TNIP3: variants seen among roughly 807,000 people sequenced by gnomAD.
TNIP3 encodes TNFAIP3 interacting protein 3, also known as TNFAIP3-interacting protein 3.
In TNIP3, 34 loss-of-function variants were observed where a neutral mutation model predicts 54.1. The observed-to-expected ratio is 0.63, with a 90% CI of 0.48 to 0.84. The LOEUF (loss-of-function observed/expected upper bound fraction) is 0.84, where lower values mean the gene tolerates loss of function less well. TNIP3 is among the 40% of genes least tolerant of loss of function. The probability of loss-of-function intolerance (pLI) is 0.00; values close to 1 mark genes in which losing one functional copy is unlikely to be tolerated. For synonymous variants in TNIP3, 134 were observed against 136.8 expected (o/e 0.98, Z 0.14); for missense variants, 366 against 387.6 (o/e 0.94, Z 0.47).
At chr4:121,188,898 T>A (rs1427766956) in intron 2 of TNIP3, among the ~76,000 whole-genome samples, 2 of 152,214 alleles carry the variant, frequency 1.3e-5, no homozygotes, top group African/African-American at 4.8e-5. Flanking sequence ...TGGATATCAG[T>A]ACTTTAAGAC....
chr4:121,133,990 C>A (rs147791779), intron 10 of TNIP3, among the ~76,000 whole-genome samples: 138 of 152,032 alleles, frequency 9.1e-4, no homozygotes, highest in African/African-American at 3.2e-3. Context: ...TATCTAACCT[C>A]CAGAGCTATG....
In TNIP3 at chr4:121,150,092, C is replaced by A. The variant is rs1729654279; in HGVS notation, c.609+11G>T. On this transcript the variant is annotated intron_variant, in intron 6 of 10. Transcript: ENST00000057513. ...GTTCTCCACAGGATCATGCCACTTC[C>A]AGCTTCTCACCTGCTGCTTCAGAAC... The A allele has an allele frequency of 1.3e-6, 2 of 1,588,072 alleles. No individual in the cohort carries two copies. The highest frequency in any genetic ancestry group is 1.7e-5 in the Admixed American group (1 of 59,682).
chr4:121,139,589 A>G (rs998658624), intron 9 of TNIP3, among the ~76,000 whole-genome samples: 19 of 152,216 alleles, frequency 1.2e-4, no homozygotes, highest in African/African-American at 3.4e-4. Context: ...TTTTTCTAAC[A>G]TGAGCCAACA....
At position 121,148,283 on chromosome 4, in the gene TNIP3, C is replaced by A. The variant is rs568530098; in HGVS notation, c.610-1109G>T. ...ATGATTGCGGGTGCCTGATTAGAAACGTGCACAGTTAAAATATTTATGGAG... is the reference window on the plus strand; with the variant it reads ...ATGATTGCGGGTGCCTGATTAGAAAAGTGCACAGTTAAAATATTTATGGAG... On this transcript the variant is annotated intron_variant, in intron 6 of 10. Coordinates refer to ENST00000057513, the MANE Select transcript of TNIP3 (RefSeq NM_024873.6). Among the ~76,000 whole-genome samples, 4 of 152,144 alleles carry A rather than the reference C, an allele frequency of 2.6e-5. No homozygotes were observed. In the East Asian group the frequency reaches 7.7e-4, roughly 29 times the overall value.
At chr4:121,206,896 T>C (rs1726221348) in intron 2 of TNIP3, among the ~76,000 whole-genome samples, 1 of 152,150 alleles carries the variant, frequency 6.6e-6, no homozygotes, top group Non-Finnish European at 1.5e-5. Context: ...ACTAAGCTCC[T>C]GAGGGTACAG....
chr4:121,216,977 A>G (rs1178335814), upstream of TNIP3, among the ~76,000 whole-genome samples: 1 of 152,156 alleles, frequency 6.6e-6, no homozygotes, highest in Non-Finnish European at 1.5e-5. Context: ...GATTATTTCT[A>G]TGATTTTCAG....
chr4:121,169,523 C>A (rs1407540964), intron 3 of TNIP3, among the ~76,000 whole-genome samples: 1 of 152,100 alleles, frequency 6.6e-6, no homozygotes, highest in Non-Finnish European at 1.5e-5. Flanking sequence ...ATGATAGCAA[C>A]TTTTGTGTGT....
chr4:121,145,424 T>C (rs1454333110), intron 7 of TNIP3, among the ~76,000 whole-genome samples: 1 of 152,016 alleles, frequency 6.6e-6, no homozygotes, highest in Non-Finnish European at 1.5e-5. Flanking sequence ...ATTTAGAAAA[T>C]ACATTTATTT....
intron 4 of TNIP3, 133 bp from the exon 5 acceptor site, chr4:121,154,812 C>T: frequency 2.7e-6 from 2 of 740,422 alleles, no homozygotes; most frequent in Non-Finnish European, 4.2e-6. Flanking sequence ...AAAAACAGGA[C>T]CTGCAAGACT....
At chr4:121,166,339 G>A (rs558146447), upstream of TNIP3, among the ~76,000 whole-genome samples, 1 of 152,342 alleles carries the variant, frequency 6.6e-6, no homozygotes, top group South Asian at 2.1e-4. Flanking sequence ...TCAGAAAAAT[G>A]AGACTTTCAA....
At chr4:121,195,218 C>A (rs1022292002) in intron 2 of TNIP3, among the ~76,000 whole-genome samples, 1 of 151,920 alleles carries the variant, frequency 6.6e-6, no homozygotes, top group Admixed American at 6.6e-5. Flanking sequence ...TTTTTAAAAA[C>A]GTCTTTGAGT....
At chr4:121,149,104 G>T (rs534441128) in intron 6 of TNIP3, among the ~76,000 whole-genome samples, 79 of 152,188 alleles carry the variant, frequency 5.2e-4, no homozygotes, top group Non-Finnish European at 9.7e-4. Context: ...GTGAATTTCA[G>T]CAGATTGATT....
intron 6 of TNIP3, among the ~76,000 whole-genome samples, chr4:121,149,697 C>T (rs1344181476): frequency 2.6e-5 from 4 of 152,262 alleles, no homozygotes; most frequent in South Asian, 2.1e-4. Context: ...ACTTGGGAGG[C>T]GGAAGTTGCG....
Position 121,132,005 on chromosome 4 carries a change from T to C in TNIP3, c.*626A>G, listed in dbSNP as rs1020188698. 1 of 152,172 alleles carries C rather than the reference T, an allele frequency of 6.6e-6. No homozygotes were observed. Among genetic ancestry groups the C allele is most frequent in the Non-Finnish European group, 1.5e-5 (1 of 68,054 alleles). 9.4% of individuals were successfully genotyped at this position (152,172 alleles called of 1,614,324 possible). A position where few individuals can be genotyped will look rare whatever the true frequency, so the allele number is the denominator to read the frequency against. On this transcript the variant is annotated 3_prime_UTR_variant, in exon 11 of 11. Coordinates refer to ENST00000057513, the MANE Select transcript of TNIP3 (RefSeq NM_024873.6). Reference sequence around the variant, plus strand: ...ATTTCTCATCATCTTAAAGAAATGATCTGTCTAAGGAATAGCTTCCAATTA... The same window carrying C: ...ATTTCTCATCATCTTAAAGAAATGACCTGTCTAAGGAATAGCTTCCAATTA...
chr4:121,225,351 A>G (rs906358652), intron 1 of TNIP3, among the ~76,000 whole-genome samples: 2 of 152,322 alleles, frequency 1.3e-5, no homozygotes, highest in African/African-American at 4.8e-5. Flanking sequence ...GGAGATATTT[A>G]ATCTTGGTCA....
intron 5 of TNIP3, 60 bp from the exon 6 acceptor site, chr4:121,150,279 T>G: frequency 2.8e-6 from 3 of 1,061,038 alleles, no homozygotes; most frequent in Non-Finnish European, 4.2e-6. Flanking sequence ...TGAATTCTTT[T>G]ATAATTGTTA....
At chr4:121,142,403 G>A (rs1729172577) in intron 8 of TNIP3, among the ~76,000 whole-genome samples, 1 of 152,200 alleles carries the variant, frequency 6.6e-6, no homozygotes, top group African/African-American at 2.4e-5. Context: ...GGCAGTATTT[G>A]ATTTAGTTTT....
At chr4:121,161,358 C>A in intron 1 of TNIP3, 142 bp from the exon 2 acceptor site, 1 of 668,614 alleles carries the variant, frequency 1.5e-6, no homozygotes, top group Non-Finnish European at 2.5e-6. Context: ...TAATAATCCT[C>A]ATACCCTAAG....
intron 7 of TNIP3, among the ~76,000 whole-genome samples, chr4:121,143,046 T>G (rs1729215825): frequency 6.6e-6 from 1 of 152,226 alleles, no homozygotes; most frequent in Non-Finnish European, 1.5e-5. Flanking sequence ...AGAAACAATT[T>G]CCATTGCTTA....
Sources: gnomAD v4.1 joint callset for allele counts (sites outside exome capture counted in the v4.1 genomes callset) on GRCh38, gnomAD v4.1.1 for gene constraint, MANE v1.5 for transcripts, NCBI Gene and HGNC (gene_info 2026-07-23, HGNC 2026-07-21) for gene names.